SIK3: variants seen among roughly 807,000 people sequenced by gnomAD.
SIK3 encodes the protein SIK family kinase 3, also known as serine/threonine-protein kinase SIK3.
In SIK3, 28 loss-of-function variants were observed where a neutral mutation model predicts 144.2. The observed-to-expected ratio is 0.19, with a 90% CI of 0.14 to 0.27. The LOEUF (loss-of-function observed/expected upper bound fraction) is 0.27, where lower values mean the gene tolerates loss of function less well. Ranked by LOEUF, SIK3 falls within the 10% of genes least tolerant of loss-of-function variation. The pLI is 1.00. For synonymous variants in SIK3, 686 were observed against 676.3 expected, an observed-to-expected ratio of 1.01 and a Z score of -0.22; for missense variants, 1,319 against 1,776.0, an observed-to-expected ratio of 0.74 and a Z score of 4.62.
At chr11:116,952,667 T>C (rs887423640) in intron 3 of SIK3, among the ~76,000 whole-genome samples, 6 of 152,210 alleles carry the variant, frequency 3.9e-5, no homozygotes, top group African/African-American at 1.4e-4. Flanking sequence ...TGCACTACTG[T>C]TCTCTACTAT....
intron 3 of SIK3, among the ~76,000 whole-genome samples, chr11:116,952,168 C>T (rs1210585510): frequency 6.6e-6 from 1 of 152,034 alleles, no homozygotes; most frequent in African/African-American, 2.4e-5. Flanking sequence ...AGATGTTTGA[C>T]TTTTTATAGA....
rs950901496 is a variant in SIK3 at position 116,861,123 on chromosome 11, A to G, written c.2425+151T>C. 9.4e-6 allele frequency: 6 copies of G among 638,036 alleles called. No individual in the cohort carries two copies. In the Admixed American group the frequency reaches 1.1e-4, roughly 11 times the overall value. 39.5% of individuals were successfully genotyped at this position (638,036 alleles called of 1,614,324 possible). ...CAGCTAAGAAACTGATGGAACCAGG[A>G]TGCAAACCAAAGCAGCTTGGCTCTA... On this transcript the variant is annotated intron_variant, in intron 19 of 24. Coordinates refer to ENST00000445177, the MANE Select transcript of SIK3 (RefSeq NM_001366686.3).
At chr11:116,886,791 T>G (rs1944843358) in intron 6 of SIK3, among the ~76,000 whole-genome samples, 1 of 152,214 alleles carries the variant, frequency 6.6e-6, no homozygotes, top group African/African-American at 2.4e-5. Context: ...TCAAAAAATT[T>G]AAGTTATTTG....
chr11:117,018,933 A>T (rs550104687), intron 1 of SIK3, among the ~76,000 whole-genome samples: 62 of 152,022 alleles, frequency 4.1e-4, no homozygotes, highest in Non-Finnish European at 7.9e-4. Context: ...GCTGGTCTTG[A>T]ACTCCTGACC....
chr11:117,002,461 T>TA (rs1367785462), intron 1 of SIK3, among the ~76,000 whole-genome samples: 3 of 152,284 alleles, frequency 2.0e-5, no homozygotes, highest in Non-Finnish European at 4.4e-5. Flanking sequence ...GATAAAACAT[T>TA]AGTCTCCACC....
At chr11:116,862,075 A>C in intron 17 of SIK3, 127 bp downstream of exon 17, 1 of 1,420,580 alleles carries the variant, frequency 7.0e-7, no homozygotes, top group Non-Finnish European at 9.8e-7. Context: ...ACCTTTACTC[A>C]AACATGTCAA....
At chr11:116,956,591 T>G (rs1211006165) in intron 2 of SIK3, among the ~76,000 whole-genome samples, 2 of 152,330 alleles carry the variant, frequency 1.3e-5, no homozygotes, top group Non-Finnish European at 2.9e-5. Flanking sequence ...TTCACCTCTC[T>G]AAATTCTCTT....
chr11:116,861,261 C>T lies in SIK3; in HGVS notation c.2425+13G>A. On this transcript the variant is annotated intron_variant, in intron 19 of 24. Transcript: ENST00000445177. ...CATAAAATGAACTGTTTGGTCTGAA[C>T]CTCTCCACTCACCGTGAGGCTGGAT... 2 of 1,565,208 alleles carry T rather than the reference C, an allele frequency of 1.3e-6. No homozygotes were observed. The highest frequency in any genetic ancestry group is 2.3e-5 in the South Asian group (2 of 87,126).
intron 1 of SIK3, among the ~76,000 whole-genome samples, chr11:116,969,290 A>G (rs1949683796): frequency 1.3e-4 from 1 of 7,646 alleles, no homozygotes; most frequent in Non-Finnish European, 4.7e-4. Flanking sequence ...ACTCCGTCTC[A>G]AAAAAAAAAA....
chr11:116,847,591 C>A lies in SIK3; in HGVS notation c.3837G>T (p.Leu1279Phe), dbSNP rs776874281. The A allele has an allele frequency of 6.8e-6, 11 of 1,614,072 alleles. No individual in the cohort carries two copies. Among genetic ancestry groups the A allele is most frequent in the Non-Finnish European group, 1.7e-6 (2 of 1,180,050 alleles). Residue 1279 changes from leucine to phenylalanine, a missense_variant, in exon 23 of 25, where the codon TTG becomes TTT. Physicochemically the swap from Leu to Phe is conservative, Grantham distance 22. Around this residue, in one of 8 missense-constraint regions of SIK3, gnomAD observed 646 missense variants for 763.7 expected, o/e 0.85. Coordinates refer to ENST00000445177, the MANE Select transcript of SIK3 (RefSeq NM_001366686.3). ...SDDAYVQLDNLPGMSLVAGKA... is the reference protein window; with the variant it reads ...SDDAYVQLDNFPGMSLVAGKA... ...TCCCAGCCACGAGACTCATTCCTGG[C>A]AAGTTATCCAGCTGTACCTGCAGAA...
At chr11:117,053,692 T>G (rs1953372261) in intron 1 of SIK3, among the ~76,000 whole-genome samples, 1 of 148,584 alleles carries the variant, frequency 6.7e-6, no homozygotes, top group Admixed American at 6.7e-5. Context: ...TCTTACTCTG[T>G]CACCCAGGCT....
intron 1 of SIK3, among the ~76,000 whole-genome samples, chr11:117,061,040 A>G (rs773577116): frequency 6.6e-6 from 1 of 152,182 alleles, no homozygotes; most frequent in Admixed American, 6.5e-5. Flanking sequence ...TGAGGCCAGG[A>G]GTTTGAGACC....
intron 3 of SIK3, among the ~76,000 whole-genome samples, chr11:116,946,459 C>T (rs1410872661): frequency 2.0e-5 from 3 of 152,120 alleles, no homozygotes; most frequent in South Asian, 4.1e-4. Flanking sequence ...GACCAGATGA[C>T]GCCTACACAC....
chr11:116,945,957 A>G (rs555130850), intron 3 of SIK3, among the ~76,000 whole-genome samples: 14 of 152,218 alleles, frequency 9.2e-5, no homozygotes, highest in African/African-American at 3.1e-4. Flanking sequence ...GCTACTCTCA[A>G]TAGAAAATTA....
Position 116,863,652 on chromosome 11 carries a change from C to T in SIK3, c.2103+16G>A. The T allele has an allele frequency of 6.2e-7, 1 of 1,613,796 alleles. No individual in the cohort carries two copies. Among genetic ancestry groups the T allele is most frequent in the Non-Finnish European group, 8.5e-7 (1 of 1,179,958 alleles). On this transcript the variant is annotated intron_variant, in intron 16 of 24. Coordinates refer to ENST00000445177, the MANE Select transcript of SIK3 (RefSeq NM_001366686.3). ...ACCCATGCTCCTCCAGGGATGCCTG[C>T]CACCTCTTCCATTACCTGCTGCAGC...
At chr11:116,850,768 G>A (rs1942365971) in intron 21 of SIK3, among the ~76,000 whole-genome samples, 1 of 152,148 alleles carries the variant, frequency 6.6e-6, no homozygotes, top group African/African-American at 2.4e-5. Flanking sequence ...CAGCATTTTG[G>A]GAGGCCGGGG....
intron 4 of SIK3, among the ~76,000 whole-genome samples, chr11:116,925,150 G>A (rs188596360): frequency 8.5e-5 from 13 of 152,120 alleles, no homozygotes; most frequent in Admixed American, 5.2e-4. Context: ...GCATAGAAGC[G>A]CGCACCTGTA....
chr11:117,093,102 T>C (rs1955318447), intron 1 of SIK3, among the ~76,000 whole-genome samples: 1 of 152,246 alleles, frequency 6.6e-6, no homozygotes, highest in Non-Finnish European at 1.5e-5. Context: ...TAGTCACTTC[T>C]AGATTGTCTA....
intron 1 of SIK3, among the ~76,000 whole-genome samples, chr11:117,015,666 C>T (rs1951491824): frequency 1.3e-5 from 2 of 152,066 alleles, no homozygotes; most frequent in South Asian, 4.1e-4. Context: ...CCTCCGCCTC[C>T]TGGGTTCAAG....
Sources: allele counts gnomAD v4.1 joint callset (sites outside exome capture counted in the v4.1 genomes callset), GRCh38; gene constraint gnomAD v4.1.1; regional missense constraint gnomAD v4.1.1; transcripts MANE v1.5; gene names NCBI Gene and HGNC (gene_info 2026-07-23, HGNC 2026-07-21).